The following KAZN variants were observed in gnomAD, a reference collection of about 807,000 sequenced individuals.
KAZN encodes the protein kazrin, periplakin interacting protein.
KAZN carries 40 observed loss-of-function variants against 87.4 expected under a neutral mutation model. That is an observed-to-expected ratio of 0.46 (90% CI 0.36 to 0.60). The LOEUF (loss-of-function observed/expected upper bound fraction) is 0.60, where lower values mean the gene tolerates loss of function less well. Ranked by LOEUF, KAZN falls within the 20% of genes least tolerant of loss-of-function variation. The pLI is 0.00. For synonymous variants in KAZN, 466 were observed against 458.3 expected (o/e 1.02, Z -0.22); for missense variants, 898 against 1,073.9 (o/e 0.84, Z 2.29).
chr1:14,244,942 A>G (rs1649353154), intron 2 of KAZN, among the ~76,000 whole-genome samples: 1 of 151,792 alleles, frequency 6.6e-6, no homozygotes, highest in African/African-American at 2.4e-5. Flanking sequence ...CTTGTATTTT[A>G]GTTTTTCTGG....
At chr1:14,100,756 C>T (rs1223249294) in intron 1 of KAZN, among the ~76,000 whole-genome samples, 1 of 152,194 alleles carries the variant, frequency 6.6e-6, no homozygotes, top group East Asian at 1.9e-4. Flanking sequence ...GCACAGTGAG[C>T]CAGTCTTATC....
chr1:13,943,629 A>T (rs960822865), intron 1 of KAZN, among the ~76,000 whole-genome samples: 1 of 152,106 alleles, frequency 6.6e-6, no homozygotes, highest in Non-Finnish European at 1.5e-5. Flanking sequence ...ATGATCCCAG[A>T]AGGAAGAACA....
chr1:14,733,756 A>G (rs1643788516), intron 1 of KAZN, among the ~76,000 whole-genome samples: 1 of 152,162 alleles, frequency 6.6e-6, no homozygotes, highest in African/African-American at 2.4e-5. Flanking sequence ...TAACCTTGCT[A>G]AGGCACAGGT....
intron 1 of KAZN, among the ~76,000 whole-genome samples, chr1:14,877,055 T>C (rs1003057976): frequency 6.6e-6 from 1 of 152,228 alleles, no homozygotes; most frequent in Non-Finnish European, 1.5e-5. Flanking sequence ...CCAGGGTTGA[T>C]CTTCCAGTCA....
chr1:15,056,010 T>C lies in KAZN; in HGVS notation c.727-81T>C. The C allele has an allele frequency of 7.2e-7, 1 of 1,381,924 alleles. No homozygotes were observed. The highest frequency in any genetic ancestry group is 1.9e-5 in the Admixed American group (1 of 54,034). The allele number at this position is 1,381,924 out of a possible 1,614,324, so 85.6% of individuals were successfully genotyped here. Reference sequence around the variant, plus strand: ...GCAGAGGATCCGGGCTTTCTCCCCATGGCGGTGGGTGGTGCCAAGCAGCTG... The same window carrying C: ...GCAGAGGATCCGGGCTTTCTCCCCACGGCGGTGGGTGGTGCCAAGCAGCTG... On this transcript the variant is annotated intron_variant, in intron 4 of 14. Transcript: ENST00000376030. The surrounding 1 kb of genome is among the most constrained non-coding windows in gnomAD (Gnocchi z 5.4).
intron 2 of KAZN, among the ~76,000 whole-genome samples, chr1:14,216,686 A>T (rs1646963393): frequency 6.6e-6 from 1 of 152,048 alleles, no homozygotes; most frequent in Non-Finnish European, 1.5e-5. Flanking sequence ...CAGGTGGATG[A>T]CCTGTCAGGA....
At chr1:14,708,831 T>C (rs2148817682) in intron 1 of KAZN, among the ~76,000 whole-genome samples, 1 of 152,382 alleles carries the variant, frequency 6.6e-6, no homozygotes, top group South Asian at 2.1e-4. Flanking sequence ...ATATGCAGAC[T>C]GTCACCTGAT....
chr1:14,314,258 A>G (rs1655499898), intron 2 of KAZN, among the ~76,000 whole-genome samples: 1 of 152,144 alleles, frequency 6.6e-6, no homozygotes, highest in South Asian at 2.1e-4. Context: ...TGATCTTGCA[A>G]CACCTACTGT....
chr1:14,616,773 C>T (rs1349983691), intron 1 of KAZN, among the ~76,000 whole-genome samples: 1 of 152,182 alleles, frequency 6.6e-6, no homozygotes, highest in Non-Finnish European at 1.5e-5. Flanking sequence ...AGCGATAGAA[C>T]CAGGACATTT....
At chr1:14,970,132 ATAAT>A (rs1424663650) in intron 2 of KAZN, among the ~76,000 whole-genome samples, 1 of 152,202 alleles carries the variant, frequency 6.6e-6, no homozygotes, top group Non-Finnish European at 1.5e-5. Flanking sequence ...CTTTTTAAAA[ATAAT>A]TAATAATCAT....
At chr1:14,119,421 C>T (rs1644703488) in intron 1 of KAZN, among the ~76,000 whole-genome samples, 1 of 152,192 alleles carries the variant, frequency 6.6e-6, no homozygotes, top group African/African-American at 2.4e-5. Flanking sequence ...CAAGGGTTTG[C>T]AGCTGCTCAG....
At chr1:14,061,597 C>T (rs1642797430) in intron 1 of KAZN, among the ~76,000 whole-genome samples, 1 of 152,210 alleles carries the variant, frequency 6.6e-6, no homozygotes, top group Non-Finnish European at 1.5e-5. Flanking sequence ...GGATTTCACC[C>T]TGAGGGCAAC....
chr1:14,789,539 C>G (rs972416360), intron 1 of KAZN, among the ~76,000 whole-genome samples: 1 of 151,984 alleles, frequency 6.6e-6, no homozygotes, highest in East Asian at 1.9e-4. Context: ...ACCCACCAGT[C>G]GGGACCCTTC....
rs567934339 is a variant in KAZN, at chr1:14,568,224, C to G, written c.250-30759C>G. The stretch of plus-strand genomic sequence containing the variant: ...CAAAGCTACGATGTGAACTGCCTAT[C>G]ATGAGGGCCACATTGAAGGGAGTGA... On this transcript the variant is annotated intron_variant, in intron 2 of 16. Transcript: ENST00000636203. 2.6e-5 allele frequency among the ~76,000 whole-genome samples: 4 copies of G among 152,300 alleles called. No individual in the cohort carries two copies. In the East Asian group the frequency reaches 5.8e-4, roughly 22 times the overall value.
In KAZN at chr1:14,184,861, T is replaced by G. The variant is rs1326327390; in HGVS notation, c.249+4269T>G. Among the ~76,000 whole-genome samples the G allele has an allele frequency of 6.6e-6, 1 of 152,180 alleles. No homozygotes were observed. The highest frequency in any genetic ancestry group is 1.5e-5 in the Non-Finnish European group (1 of 68,026). On this transcript the variant is annotated intron_variant, in intron 2 of 16. Coordinates refer to the KAZN transcript ENST00000636203. This position sits in a 1 kb window ranked among gnomAD's most constrained non-coding sequence, Gnocchi z 4.2. ...GAAGGATGCCTTGGGAACCGAGCAG[T>G]TCACACCTATTATAGAAGTGCATTT...
chr1:14,230,249 T>C (rs1168197871), intron 2 of KAZN, among the ~76,000 whole-genome samples: 1 of 152,238 alleles, frequency 6.6e-6, no homozygotes, highest in Non-Finnish European at 1.5e-5. Flanking sequence ...TGGTCTGAGT[T>C]ACATAAAATT....
At chr1:14,391,772 C>T (rs1662454887) in intron 2 of KAZN, among the ~76,000 whole-genome samples, 1 of 152,128 alleles carries the variant, frequency 6.6e-6, no homozygotes. Context: ...TGTTTATTCT[C>T]TTTGTGCTGG....
intron 2 of KAZN, among the ~76,000 whole-genome samples, chr1:14,469,800 G>A (rs150441941): frequency 1.3e-5 from 2 of 152,304 alleles, no homozygotes; most frequent in African/African-American, 4.8e-5. Flanking sequence ...TCTGCACCTT[G>A]CACTACGAAT....
At chr1:14,163,014 C>A (rs1303939636) in intron 1 of KAZN, among the ~76,000 whole-genome samples, 1 of 151,646 alleles carries the variant, frequency 6.6e-6, no homozygotes, top group Non-Finnish European at 1.5e-5. Context: ...TCTCTCTTCT[C>A]TTCCATTTTA....
Sources: gnomAD v4.1 joint callset for allele counts (sites outside exome capture counted in the v4.1 genomes callset) on GRCh38, gnomAD v4.1.1 for gene constraint, Gnocchi (gnomAD v3.1) non-coding constraint, MANE v1.5 for transcripts, NCBI Gene and HGNC (gene_info 2026-07-23, HGNC 2026-07-21) for gene names.